CNTN6: variants seen among roughly 807,000 people sequenced by gnomAD.
The protein encoded by CNTN6 is contactin-6.
CNTN6 carries 137 observed loss-of-function variants against 122.8 expected under a neutral mutation model. The observed-to-expected ratio is 1.12, with a 90% CI of 0.97 to 1.29. The LOEUF (loss-of-function observed/expected upper bound fraction) is 1.29. Ranked by LOEUF, CNTN6 falls within the 50% of genes most tolerant of loss-of-function variation. CNTN6 has a pLI of 0.00. For missense variants in CNTN6, 1,634 were observed against 1,223.4 expected (o/e 1.34, Z -5.01); for synonymous variants, 570 against 426.0 (o/e 1.34, Z -4.16).
chr3:1,347,951 A>G (rs1244872817), intron 11 of CNTN6, among the ~76,000 whole-genome samples: 1 of 151,844 alleles, frequency 6.6e-6, no homozygotes. Flanking sequence ...GCAGTGTGAT[A>G]AAACAATTTC....
chr3:1,127,098 A>G (rs551247302), intron 1 of CNTN6, among the ~76,000 whole-genome samples: 1 of 151,754 alleles, frequency 6.6e-6, no homozygotes, highest in African/African-American at 2.4e-5. Flanking sequence ...TGCTATATAT[A>G]ATTTATACAT....
intron 4 of CNTN6, among the ~76,000 whole-genome samples, chr3:1,242,313 G>C (rs1243376977): frequency 3.9e-5 from 6 of 152,152 alleles, no homozygotes; most frequent in Non-Finnish European, 1.5e-5. Flanking sequence ...AGAATAGTGA[G>C]TTGTGGAGGA....
chr3:1,359,375 T>C (rs1204072512), intron 12 of CNTN6, among the ~76,000 whole-genome samples: 1 of 152,106 alleles, frequency 6.6e-6, no homozygotes, highest in East Asian at 1.9e-4. Context: ...AGGGTAACAT[T>C]GCATGTTTTC....
At chr3:1,345,974 A>G (rs1704624505) in intron 11 of CNTN6, among the ~76,000 whole-genome samples, 1 of 151,854 alleles carries the variant, frequency 6.6e-6, no homozygotes, top group Admixed American at 6.6e-5. Context: ...TAATTGCCCG[A>G]TGACCTGATT....
rs1385124264 is a variant in CNTN6 at position 1,373,266 on chromosome 3, CA to C, written c.1786+314del. ...TAAATCATTCTTGTCAATCCAGAGT[CA>C]AATCCACATGCTCCTGTAGTTCTTC... is the stretch of plus-strand genomic sequence containing the variant. On this transcript the variant is annotated intron_variant, in intron 14 of 22. Coordinates refer to ENST00000446702, the MANE Select transcript of CNTN6 (RefSeq NM_001289080.2). 3.9e-5 allele frequency among the ~76,000 whole-genome samples: 6 copies of C among 152,174 alleles called. No individual in the cohort carries two copies. The East Asian group carries it at 1.2e-3, about 29-fold the overall frequency.
chr3:1,245,237 C>T (rs1392178178), intron 4 of CNTN6, among the ~76,000 whole-genome samples: 622 of 6,592 alleles, frequency 0.094, 79 homozygotes, highest in African/African-American at 0.19. Context: ...TATATATATA[C>T]ACACACACAT....
chr3:1,242,903 G>A (rs1050162495), intron 4 of CNTN6, among the ~76,000 whole-genome samples: 1 of 152,174 alleles, frequency 6.6e-6, no homozygotes, highest in Non-Finnish European at 1.5e-5. Flanking sequence ...ACCCACAACA[G>A]TTATGGAGGC....
At chr3:1,228,976 T>G (rs1244755289) in intron 4 of CNTN6, among the ~76,000 whole-genome samples, 1 of 152,204 alleles carries the variant, frequency 6.6e-6, no homozygotes, top group Non-Finnish European at 1.5e-5. Flanking sequence ...TCTCTTTATG[T>G]TGACCATTTT....
chr3:1,372,255 C>T, intron 12 of CNTN6, 44 bp from the exon 13 acceptor site: 1 of 1,457,268 alleles, frequency 6.9e-7, no homozygotes, highest in Non-Finnish European at 9.4e-7. Flanking sequence ...TAACCATAGG[C>T]TAGCATTTCA....
intron 20 of CNTN6, among the ~76,000 whole-genome samples, chr3:1,393,865 G>T (rs968467943): frequency 2.1e-4 from 32 of 152,108 alleles, no homozygotes; most frequent in African/African-American, 6.7e-4. Context: ...TTCTTATTGA[G>T]ATTTTCTGTA....
At chr3:1,363,152 C>T (rs1314685893) in intron 12 of CNTN6, among the ~76,000 whole-genome samples, 4 of 151,844 alleles carry the variant, frequency 2.6e-5, no homozygotes, top group Admixed American at 2.6e-4. Context: ...GTTTGACCTA[C>T]TTATGTGCAA....
chr3:1,154,866 C>T (rs1338197650), intron 2 of CNTN6, among the ~76,000 whole-genome samples: 1 of 152,226 alleles, frequency 6.6e-6, no homozygotes, highest in East Asian at 1.9e-4. Context: ...TTCATCTCTA[C>T]TTTTACTTAA....
chr3:1,222,877 C>T (rs2094227332), intron 3 of CNTN6, among the ~76,000 whole-genome samples: 1 of 152,040 alleles, frequency 6.6e-6, no homozygotes, highest in African/African-American at 2.4e-5. Flanking sequence ...CTCCAGCAGG[C>T]CCCAGTCGTT....
At chr3:1,336,027 G>C (rs973269585) in intron 11 of CNTN6, among the ~76,000 whole-genome samples, 1 of 150,152 alleles carries the variant, frequency 6.7e-6, no homozygotes, top group African/African-American at 2.5e-5. Context: ...TCCAGCCTGG[G>C]TAACAGAGGG....
Position 1,227,835 on chromosome 3 carries a change from C to T in CNTN6, c.200C>T (p.Thr67Ile), listed in dbSNP as rs2094303940. ...SPHYRWKQNG[T>I]DIDFTMSYHY... ...CCTTGAAGGTGGAAGCAAAATGGCA[C>T]AGACATTGATTTTACTATGAGTTAT... Residue 67 changes from threonine to isoleucine, a missense_variant, in exon 4 of 23, where the codon ACA becomes ATA. Physicochemically the swap from Thr to Ile is moderately conservative, Grantham distance 89 (BLOSUM62 -1). Transcript: ENST00000446702. The T allele has an allele frequency of 6.2e-7, 1 of 1,613,328 alleles. No homozygotes were observed. Among genetic ancestry groups the T allele is most frequent in the Non-Finnish European group, 8.5e-7 (1 of 1,179,804 alleles).
intron 5 of CNTN6, among the ~76,000 whole-genome samples, chr3:1,283,617 A>G (rs1169464927): frequency 6.6e-6 from 1 of 152,198 alleles, no homozygotes; most frequent in Non-Finnish European, 1.5e-5. Context: ...GATACATGTT[A>G]TCTACAATAA....
intron 2 of CNTN6, among the ~76,000 whole-genome samples, chr3:1,193,547 G>A (rs1255500220): frequency 2.6e-5 from 4 of 152,002 alleles, no homozygotes; most frequent in Non-Finnish European, 5.9e-5. Flanking sequence ...ACAATCAATG[G>A]ATGTTCCTGC....
intron 7 of CNTN6, among the ~76,000 whole-genome samples, chr3:1,309,889 T>C (rs993696622): frequency 6.6e-6 from 1 of 152,204 alleles, no homozygotes; most frequent in African/African-American, 2.4e-5. Context: ...TTAGTGCTAA[T>C]ATAAATGGCA....
chr3:1,114,366 G>A (rs1301979099), intron 1 of CNTN6, among the ~76,000 whole-genome samples: 1 of 152,294 alleles, frequency 6.6e-6, no homozygotes, highest in African/African-American at 2.4e-5. Context: ...TGGAGATGTT[G>A]AGAACCCAGT....
Sources: allele counts gnomAD v4.1 joint callset (sites outside exome capture counted in the v4.1 genomes callset), GRCh38; gene constraint gnomAD v4.1.1; transcripts MANE v1.5; gene names NCBI Gene and HGNC (gene_info 2026-07-23, HGNC 2026-07-21).